Variants in FBXL17 observed in about 807,000 individuals in gnomAD.
FBXL17 encodes the protein F-box and leucine rich repeat protein 17.
A neutral mutation model predicts 66.2 loss-of-function variants in FBXL17; 22 were observed. That is an observed-to-expected ratio of 0.33 (90% confidence interval 0.24 to 0.47). FBXL17 has a LOEUF of 0.47. Ranked by LOEUF, FBXL17 falls within the 20% of genes least tolerant of loss-of-function variation. FBXL17 has a pLI of 1.00. For synonymous variants in FBXL17, 474 were observed against 400.5 expected, an observed-to-expected ratio of 1.18 and a Z score of -2.19; for missense variants, 878 against 948.2, an observed-to-expected ratio of 0.93 and a Z score of 0.97.
chr5:108,178,414 G>A (rs916737329), intron 6 of FBXL17, among the ~76,000 whole-genome samples: 1 of 151,942 alleles, frequency 6.6e-6, no homozygotes, highest in South Asian at 2.1e-4. Context: ...TATCTTTCTA[G>A]GGATGGTCTT....
At chr5:108,055,315 A>C (rs1237219382) in intron 6 of FBXL17, among the ~76,000 whole-genome samples, 3 of 17,750 alleles carry the variant, frequency 1.7e-4, no homozygotes, top group Admixed American at 6.1e-4. Context: ...AAAAAAAAAG[A>C]AAAACGCTTC....
intron 7 of FBXL17, among the ~76,000 whole-genome samples, chr5:107,964,288 A>AAAC (rs368947775): frequency 6.6e-6 from 1 of 152,150 alleles, no homozygotes; most frequent in Non-Finnish European, 1.5e-5. Context: ...TTATATGATC[A>AAAC]AACAACAACA....
At chr5:107,981,573 C>A (rs1259768906) in intron 7 of FBXL17, among the ~76,000 whole-genome samples, 1 of 152,252 alleles carries the variant, frequency 6.6e-6, no homozygotes, top group Non-Finnish European at 1.5e-5. Context: ...CACTCCATTC[C>A]GCTTTGAGTG....
At chr5:108,232,095 TGTTATGA>T (rs1755368463) in intron 4 of FBXL17, among the ~76,000 whole-genome samples, 1 of 152,234 alleles carries the variant, frequency 6.6e-6, no homozygotes, top group Admixed American at 6.5e-5. Context: ...GGACTGTAAC[TGTTATGA>T]GTATTTCCTC....
At chr5:108,025,699 ACACAAAC>A (rs1754777400) in intron 6 of FBXL17, among the ~76,000 whole-genome samples, 1 of 127,706 alleles carries the variant, frequency 7.8e-6, no homozygotes, top group Admixed American at 7.6e-5. Context: ...ACACACACAC[ACACAAAC>A]ACACACACAC....
At chr5:108,065,554 C>T (rs749293621) in intron 6 of FBXL17, among the ~76,000 whole-genome samples, 1 of 152,082 alleles carries the variant, frequency 6.6e-6, no homozygotes, top group Non-Finnish European at 1.5e-5. Context: ...GAAGACAATT[C>T]AAAATTAATA....
rs114998493 is a variant in FBXL17 at position 107,935,837 on chromosome 5, A to G, written c.1823-54658T>C. On this transcript the variant is annotated intron_variant, in intron 7 of 8. Coordinates refer to ENST00000542267, the MANE Select transcript of FBXL17 (RefSeq NM_001163315.3). ...CATGGAAGCAATGGAGGGGAAGCAAAGATTGTATCACCATAGCAACCTGAA... is the reference window on the plus strand; with the variant it reads ...CATGGAAGCAATGGAGGGGAAGCAAGGATTGTATCACCATAGCAACCTGAA... 3.9e-3 allele frequency among the ~76,000 whole-genome samples: 595 copies of G among 152,240 alleles called. 4 individuals are homozygous for G. The highest frequency in any genetic ancestry group is 0.014 in the African/African-American group (566 of 41,558).
At chr5:107,994,216 C>T (rs1663737497) in intron 7 of FBXL17, among the ~76,000 whole-genome samples, 1 of 151,972 alleles carries the variant, frequency 6.6e-6, no homozygotes, top group Non-Finnish European at 1.5e-5. Flanking sequence ...CATGATATCG[C>T]AAATATTGAT....
Position 108,169,744 on chromosome 5 carries a change from T to C in FBXL17, c.1745+16373A>G, listed in dbSNP as rs893976271. On this transcript the variant is annotated intron_variant, in intron 6 of 8. Transcript: ENST00000542267. ...TACCCCCAATAAATGAACTTGAAGA[T>C]TTTTACAGACTTATTTTGACTTATT... Among the ~76,000 whole-genome samples the C allele has an allele frequency of 1.9e-4, 29 of 152,154 alleles. 1 individual carries two copies. The highest frequency in any genetic ancestry group is 2.9e-5 in the Non-Finnish European group (2 of 68,016).
chr5:108,186,326 C>T (rs1048783224), intron 5 of FBXL17, 79 bp from the exon 6 acceptor site: 2 of 1,226,152 alleles, frequency 1.6e-6, no homozygotes, highest in Non-Finnish European at 2.3e-6. Flanking sequence ...TAGTTTATTA[C>T]AAGGTAGAGT....
intron 8 of FBXL17, among the ~76,000 whole-genome samples, chr5:107,869,196 G>T (rs543545134): frequency 6.6e-6 from 1 of 152,274 alleles, no homozygotes; most frequent in Non-Finnish European, 1.5e-5. Flanking sequence ...AGCCCCAGAG[G>T]CTGACTCCTG....
rs1172006327 is a variant in FBXL17 at position 107,859,734 on chromosome 5, C to T, written c.*1986G>A. 1.3e-5 allele frequency: 2 copies of T among 152,030 alleles called. No individual in the cohort carries two copies. Among genetic ancestry groups the T allele is most frequent in the African/African-American group, 4.8e-5 (2 of 41,406 alleles). The allele number at this position is 152,030 out of a possible 1,614,324, so 9.4% of individuals were successfully genotyped here. On this transcript the variant is annotated 3_prime_UTR_variant, in exon 9 of 9. Transcript: ENST00000542267. ...TCTATATCATAGATGGCTCTCCCTT[C>T]TTTTGTCTTTTTTAACTATTTAAAA...
intron 7 of FBXL17, among the ~76,000 whole-genome samples, chr5:107,885,816 A>T (rs1203399587): frequency 6.6e-6 from 1 of 152,160 alleles, no homozygotes; most frequent in Non-Finnish European, 1.5e-5. Flanking sequence ...GTAAAAAATA[A>T]AGAAGCAGGC....
chr5:108,270,415 AATC>A (rs1253624888), intron 4 of FBXL17, among the ~76,000 whole-genome samples: 4 of 147,128 alleles, frequency 2.7e-5, no homozygotes, highest in African/African-American at 4.9e-5. Flanking sequence ...TAACTATATG[AATC>A]ATATTTTAAT....
At chr5:108,014,792 AAG>A (rs1754316893) in intron 7 of FBXL17, among the ~76,000 whole-genome samples, 1 of 152,200 alleles carries the variant, frequency 6.6e-6, no homozygotes, top group Non-Finnish European at 1.5e-5. Flanking sequence ...TATAAAGAAA[AAG>A]AGCTTTAATG....
chr5:108,041,780 C>A (rs535832283), intron 6 of FBXL17, among the ~76,000 whole-genome samples: 2 of 151,998 alleles, frequency 1.3e-5, no homozygotes, highest in African/African-American at 4.8e-5. Context: ...GTGAAAATTT[C>A]GAGAAATACA....
chr5:108,195,529 G>A (rs1000350660), intron 5 of FBXL17, among the ~76,000 whole-genome samples: 1 of 152,156 alleles, frequency 6.6e-6, no homozygotes, highest in Admixed American at 6.5e-5. Context: ...GGTCTTGTGG[G>A]TCCTGTAAGG....
chr5:108,130,841 T>C (rs543725986), intron 6 of FBXL17, among the ~76,000 whole-genome samples: 1 of 152,226 alleles, frequency 6.6e-6, no homozygotes, highest in East Asian at 1.9e-4. Flanking sequence ...TATATTATTG[T>C]GTCCTAATCT....
At chr5:107,900,356 C>A (rs1458211788) in intron 7 of FBXL17, among the ~76,000 whole-genome samples, 2 of 152,074 alleles carry the variant, frequency 1.3e-5, no homozygotes, top group East Asian at 3.8e-4. Context: ...AGAGAGATGT[C>A]TTCAAGAAAA....
Sources: gnomAD v4.1 joint callset for allele counts (sites outside exome capture counted in the v4.1 genomes callset) on GRCh38, gnomAD v4.1.1 for gene constraint, MANE v1.5 for transcripts, NCBI Gene and HGNC (gene_info 2026-07-23, HGNC 2026-07-21) for gene names.